The following METTL21A variants were observed in gnomAD, a reference collection of about 807,000 sequenced individuals.
METTL21A encodes methyltransferase 21A, HSPA lysine.
METTL21A carries 22 observed loss-of-function variants against 20.9 expected under a neutral mutation model. The ratio of observed to expected loss-of-function variants is 1.05; its 90% CI spans 0.75 to 1.50. METTL21A has a LOEUF of 1.50. Ranked by LOEUF, METTL21A falls within the 40% of genes most tolerant of loss-of-function variation. The probability of loss-of-function intolerance (pLI) is 0.00; values close to 1 mark genes in which losing one functional copy is unlikely to be tolerated. For missense variants in METTL21A, 271 were observed against 266.8 expected, an observed-to-expected ratio of 1.02 and a Z score of -0.11; for synonymous variants, 93 against 102.0, an observed-to-expected ratio of 0.91 and a Z score of 0.53.
At chr2:207,588,726 TG>T (rs1327740112) in intron 3 of METTL21A, among the ~76,000 whole-genome samples, 8 of 51,460 alleles carry the variant, frequency 1.6e-4, no homozygotes, top group Admixed American at 3.1e-4. Flanking sequence ...AACTGTTTTC[TG>T]GTTTTTTTTT....
intron 3 of METTL21A, among the ~76,000 whole-genome samples, chr2:207,591,596 C>CT (rs1484411659): frequency 6.6e-6 from 1 of 152,098 alleles, no homozygotes; most frequent in African/African-American, 2.4e-5. Flanking sequence ...CCACACCCAG[C>CT]TAATTTTTGT....
intron 3 of METTL21A, among the ~76,000 whole-genome samples, chr2:207,587,265 T>C (rs549804073): frequency 6.6e-4 from 100 of 151,430 alleles, no homozygotes; most frequent in Non-Finnish European, 1.2e-3. Flanking sequence ...TGGTGGCGGG[T>C]GCCTGTAGTC....
chr2:207,595,723 C>A (rs984915116), intron 3 of METTL21A, among the ~76,000 whole-genome samples: 3 of 152,152 alleles, frequency 2.0e-5, no homozygotes, highest in Non-Finnish European at 4.4e-5. Context: ...TGCCACCACA[C>A]TTGGCTAAAT....
At chr2:207,588,614 GT>G (rs2084329597) in intron 3 of METTL21A, among the ~76,000 whole-genome samples, 1 of 152,028 alleles carries the variant, frequency 6.6e-6, no homozygotes, top group South Asian at 2.1e-4. Flanking sequence ...TTGTGAAGAA[GT>G]CACATCTTAG....
intron 3 of METTL21A, among the ~76,000 whole-genome samples, chr2:207,583,090 CTATTTACATAG>C (rs2083229155): frequency 6.6e-6 from 1 of 151,862 alleles, no homozygotes; most frequent in South Asian, 2.1e-4. Flanking sequence ...AGTATAACAA[CTATTTACATAG>C]TATTTACATT....
intron 3 of METTL21A, chr2:207,600,996 T>G: frequency 5.2e-6 from 1 of 192,740 alleles, no homozygotes; most frequent in South Asian, 1.9e-4. Context: ...GGTCTCTGTT[T>G]ATTTTGAAGA....
intron 3 of METTL21A, chr2:207,620,561 T>G: frequency 1.8e-6 from 2 of 1,132,436 alleles, no homozygotes; most frequent in Non-Finnish European, 2.4e-6. Context: ...AGTAGCTTCA[T>G]CTCCCAGAAT....
At chr2:207,616,583 G>A (rs1041603579) in intron 3 of METTL21A, among the ~76,000 whole-genome samples, 5 of 152,162 alleles carry the variant, frequency 3.3e-5, no homozygotes, top group African/African-American at 4.8e-5. Context: ...GGTGACTCAC[G>A]CCTGTAATCT....
intron 3 of METTL21A, chr2:207,600,273 T>G (rs2086834613): frequency 5.9e-6 from 1 of 168,862 alleles, no homozygotes; most frequent in South Asian, 2.0e-4. Flanking sequence ...ACATACAGTA[T>G]ATAATCTAAA....
At chr2:207,608,209 C>G (rs1416777470), downstream of METTL21A, among the ~76,000 whole-genome samples, 2 of 152,084 alleles carry the variant, frequency 1.3e-5, no homozygotes, top group Admixed American at 6.5e-5. Flanking sequence ...CGACTACATC[C>G]CAGCCCAATT....
At chr2:207,619,275 A>C (rs1464108977) in intron 3 of METTL21A, among the ~76,000 whole-genome samples, 2 of 151,734 alleles carry the variant, frequency 1.3e-5, no homozygotes, top group African/African-American at 4.8e-5. Flanking sequence ...CCCCATCCAC[A>C]GTGGACCGCC....
At chr2:207,621,030 A>G (rs1029835284) in intron 3 of METTL21A, among the ~76,000 whole-genome samples, 4 of 152,206 alleles carry the variant, frequency 2.6e-5, no homozygotes, top group Admixed American at 2.6e-4. Context: ...GCCCTGCCAA[A>G]TCAGAATCTG....
chr2:207,596,569 G>A (rs2086207436), intron 3 of METTL21A, among the ~76,000 whole-genome samples: 1 of 152,160 alleles, frequency 6.6e-6, no homozygotes, highest in African/African-American at 2.4e-5. Context: ...AAGTAGCTGG[G>A]ACTACAGGCA....
chr2:207,582,046 C>T (rs1030242029), exon 4 of METTL21A: 19 of 699,292 alleles, frequency 2.7e-5, no homozygotes, highest in African/African-American at 1.1e-4. Context: ...ACATAATTGG[C>T]GATATTAACT....
At chr2:207,619,528 T>C (rs1306373474) in intron 3 of METTL21A, among the ~76,000 whole-genome samples, 1 of 152,222 alleles carries the variant, frequency 6.6e-6, no homozygotes, top group Non-Finnish European at 1.5e-5. Context: ...AATCATACAG[T>C]AGCAGAGAAA....
intron 3 of METTL21A, among the ~76,000 whole-genome samples, chr2:207,616,993 A>C (rs1359295704): frequency 1.3e-5 from 2 of 152,202 alleles, no homozygotes; most frequent in Non-Finnish European, 2.9e-5. Flanking sequence ...ACCGTACATG[A>C]AGATGGTGAT....
At chr2:207,591,136 G>A (rs2084955774) in intron 3 of METTL21A, among the ~76,000 whole-genome samples, 1 of 152,026 alleles carries the variant, frequency 6.6e-6, no homozygotes, top group Non-Finnish European at 1.5e-5. Context: ...TGTCATTCAG[G>A]TGTACTGTAT....
chr2:207,618,645 T>C (rs2090087805), intron 3 of METTL21A, among the ~76,000 whole-genome samples: 1 of 151,876 alleles, frequency 6.6e-6, no homozygotes, highest in African/African-American at 2.4e-5. Flanking sequence ...GGGGCAGAGA[T>C]TGAAGTGAGC....
At chr2:207,590,272 T>A (rs921478568) in intron 3 of METTL21A, among the ~76,000 whole-genome samples, 4 of 151,818 alleles carry the variant, frequency 2.6e-5, no homozygotes, top group Non-Finnish European at 5.9e-5. Flanking sequence ...AGTAGGGATG[T>A]CCCCCCGCTT....
Sources: gnomAD v4.1 joint callset for allele counts (sites outside exome capture counted in the v4.1 genomes callset) on GRCh38, gnomAD v4.1.1 for gene constraint, MANE v1.5 for transcripts, NCBI Gene and HGNC (gene_info 2026-07-23, HGNC 2026-07-21) for gene names.